MAGI2: variants seen among roughly 807,000 people sequenced by gnomAD.
The protein encoded by MAGI2 is membrane associated guanylate kinase, WW and PDZ domain containing 2.
Under a neutral mutation model 133.3 loss-of-function variants are expected in MAGI2, and 35 were observed. That is an observed-to-expected ratio of 0.26 (90% CI 0.20 to 0.35). MAGI2 has a LOEUF of 0.35. Among genes scored for constraint, MAGI2 ranks in the 10% least tolerant of loss-of-function variants. MAGI2 has a pLI of 1.00. For missense variants in MAGI2, 1,636 were observed against 1,863.4 expected (o/e 0.88, Z 2.25); for synonymous variants, 729 against 710.6 (o/e 1.03, Z -0.41).
At chr7:79,087,568 A>G (rs1816630990) in intron 1 of MAGI2, among the ~76,000 whole-genome samples, 1 of 151,812 alleles carries the variant, frequency 6.6e-6, no homozygotes, top group African/African-American at 2.4e-5. Flanking sequence ...ATAGATACTC[A>G]TGTGTTATAT....
In MAGI2 at chr7:79,133,095, G is replaced by A. The variant is rs560702884; in HGVS notation, c.302-125889C>T. ...TGCAAATATTTTCTTCCTTTCTGTG[G>A]GTTGTCTGTTTACTCTGATTATTAT... On this transcript the variant is annotated intron_variant, in intron 1 of 21. Coordinates refer to ENST00000354212, the MANE Select transcript of MAGI2 (RefSeq NM_012301.4). 2.4e-3 allele frequency among the ~76,000 whole-genome samples: 371 copies of A among 152,028 alleles called. 1 individual carries two copies. The highest frequency in any genetic ancestry group is 8.7e-3 in the African/African-American group (361 of 41,468).
At chr7:78,468,469 A>G (rs1790866742) in intron 6 of MAGI2, among the ~76,000 whole-genome samples, 1 of 152,112 alleles carries the variant, frequency 6.6e-6, no homozygotes, top group Non-Finnish European at 1.5e-5. Context: ...TATATTATAT[A>G]TGTATATAAA....
chr7:78,739,370 A>G (rs890273877), intron 2 of MAGI2, among the ~76,000 whole-genome samples: 1 of 152,210 alleles, frequency 6.6e-6, no homozygotes, highest in Non-Finnish European at 1.5e-5. Flanking sequence ...AAACAAAGAT[A>G]AGGCAAGCTG....
chr7:79,317,992 C>T (rs1838873032), intron 1 of MAGI2, among the ~76,000 whole-genome samples: 1 of 152,158 alleles, frequency 6.6e-6, no homozygotes, highest in African/African-American at 2.4e-5. Flanking sequence ...CCCTCTGCCT[C>T]AAAACTCTTC....
intron 3 of MAGI2, among the ~76,000 whole-genome samples, chr7:78,584,680 TGA>T (rs1563204185): frequency 6.6e-6 from 1 of 152,110 alleles, no homozygotes; most frequent in African/African-American, 2.4e-5. Flanking sequence ...GCTGTGTGAT[TGA>T]AGAAGGTGGC....
chr7:79,386,493 TA>T (rs967102285), intron 1 of MAGI2, among the ~76,000 whole-genome samples: 7 of 151,656 alleles, frequency 4.6e-5, no homozygotes, highest in Non-Finnish European at 8.8e-5. Context: ...TTATGATAAC[TA>T]AAAAAAAGAA....
chr7:78,857,050 G>A (rs1793711708), intron 2 of MAGI2, among the ~76,000 whole-genome samples: 1 of 152,110 alleles, frequency 6.6e-6, no homozygotes. Context: ...TTGGCTCTCT[G>A]TTTGTCTGTT....
intron 2 of MAGI2, among the ~76,000 whole-genome samples, chr7:78,838,405 A>G (rs521311): frequency 0.21 from 31,263 of 151,902 alleles, 3,429 homozygotes; most frequent in Non-Finnish European, 0.24. Flanking sequence ...TCACTGTTAC[A>G]CCAACTGGCT....
chr7:78,493,995 T>C (rs1793861758), intron 5 of MAGI2, among the ~76,000 whole-genome samples: 1 of 152,082 alleles, frequency 6.6e-6, no homozygotes, highest in Non-Finnish European at 1.5e-5. Context: ...TTTTCTTTTC[T>C]AGACAGGATC....
At chr7:79,415,397 C>G (rs1846428463) in intron 1 of MAGI2, 9 of 152,172 alleles carry the variant, frequency 5.9e-5, no homozygotes, top group Admixed American at 5.2e-4. Context: ...ATGGCTTGCA[C>G]TTCCACTGAT....
chr7:79,330,355 G>A lies in MAGI2; in HGVS notation c.301+122665C>T, dbSNP rs1229346082. 2.0e-5 allele frequency among the ~76,000 whole-genome samples: 3 copies of A among 151,460 alleles called. No homozygotes were observed. In the East Asian group the frequency reaches 5.8e-4, roughly 30 times the overall value. ...ACTACAGGCACCTGCCACCACGCCC[G>A]GCTAATTTTTTTTGTATTTTTAGTA... On this transcript the variant is annotated intron_variant, in intron 1 of 21. Coordinates refer to ENST00000354212, the MANE Select transcript of MAGI2 (RefSeq NM_012301.4).
At chr7:79,140,808 C>G (rs560784238) in intron 1 of MAGI2, among the ~76,000 whole-genome samples, 1 of 152,136 alleles carries the variant, frequency 6.6e-6, no homozygotes, top group Admixed American at 6.5e-5. Flanking sequence ...AGAAATGACA[C>G]AGTATGTAAT....
intron 10 of MAGI2, among the ~76,000 whole-genome samples, chr7:78,216,917 A>G (rs1344517982): frequency 2.0e-5 from 3 of 152,138 alleles, no homozygotes; most frequent in Non-Finnish European, 4.4e-5. Flanking sequence ...CTGGGGAAAG[A>G]TCTGTTCAGT....
At chr7:79,086,460 G>A (rs1350673242) in intron 1 of MAGI2, among the ~76,000 whole-genome samples, 1 of 151,854 alleles carries the variant, frequency 6.6e-6, no homozygotes, top group Non-Finnish European at 1.5e-5. Context: ...TGTTAAAATG[G>A]CACAAAACTC....
chr7:78,408,378 C>T (rs1797580623), intron 6 of MAGI2, among the ~76,000 whole-genome samples: 2 of 151,972 alleles, frequency 1.3e-5, no homozygotes, highest in Admixed American at 1.3e-4. Flanking sequence ...TGTAAGCTAT[C>T]TACTCATTGG....
intron 2 of MAGI2, among the ~76,000 whole-genome samples, chr7:78,654,225 C>CT (rs1811891746): frequency 6.6e-6 from 1 of 152,156 alleles, no homozygotes; most frequent in South Asian, 2.1e-4. Context: ...GGACAAATTT[C>CT]TTACTCTGTG....
At chr7:79,311,451 G>T (rs1032878972) in intron 1 of MAGI2, among the ~76,000 whole-genome samples, 1 of 152,118 alleles carries the variant, frequency 6.6e-6, no homozygotes, top group South Asian at 2.1e-4. Flanking sequence ...GCCATGGGTT[G>T]AACAAGCCTG....
In MAGI2 at chr7:78,704,268, G is replaced by T. The variant is rs530955731; in HGVS notation, c.419-77029C>A. On this transcript the variant is annotated intron_variant, in intron 2 of 21. Transcript: ENST00000354212. ...AAAAAGTGAGCAAAAAACAGGAACA[G>T]ACACTTTCCAAAAGGAGATATACAT... Among the ~76,000 whole-genome samples the T allele has an allele frequency of 3.3e-5, 5 of 152,186 alleles. No homozygotes were observed. The South Asian group carries it at 6.2e-4, about 19-fold the overall frequency.
intron 21 of MAGI2, among the ~76,000 whole-genome samples, chr7:78,043,273 C>T (rs1811046158): frequency 2.6e-5 from 4 of 152,112 alleles, no homozygotes; most frequent in Admixed American, 1.3e-4. Flanking sequence ...CTTTTGGTAA[C>T]TAAAATTGAT....
Sources: gnomAD v4.1 joint callset for allele counts (sites outside exome capture counted in the v4.1 genomes callset) on GRCh38, gnomAD v4.1.1 for gene constraint, MANE v1.5 for transcripts, NCBI Gene and HGNC (gene_info 2026-07-23, HGNC 2026-07-21) for gene names.